PAGE2B: variants seen among roughly 807,000 people sequenced by gnomAD.
The protein encoded by PAGE2B is PAGE family member 2B, also known as putative G antigen family E member 3.
In PAGE2B, 5 loss-of-function variants were observed where a neutral mutation model predicts 7.6. That is an observed-to-expected ratio of 0.66 (90% CI 0.34 to 1.38). The LOEUF (loss-of-function observed/expected upper bound fraction) is 1.38, where lower values mean the gene tolerates loss of function less well. Ranked by LOEUF, PAGE2B falls within the 40% of genes most tolerant of loss-of-function variation. The pLI, the probability that PAGE2B is intolerant of heterozygous loss-of-function variation, is 0.04. For synonymous variants in PAGE2B, 29 were observed against 26.7 expected, an observed-to-expected ratio of 1.09 and a Z score of -0.27; for missense variants, 70 against 78.4, an observed-to-expected ratio of 0.89 and a Z score of 0.41.
chrX:55,070,210 G>A (rs770357811), upstream of PAGE2B, among the ~76,000 whole-genome samples: 1 of 111,706 alleles, frequency 9.0e-6, no homozygotes, highest in African/African-American at 3.3e-5. Context: ...TGCTTTAAAT[G>A]TGTCCCAGTA....
chrX:55,036,540 C>A, the PAGE2B span, among the ~76,000 whole-genome samples: 1 of 111,276 alleles, frequency 9.0e-6, no homozygotes, highest in Non-Finnish European at 1.9e-5. Flanking sequence ...AAGGCCTTTT[C>A]TGCATCTATT....
At chrX:55,051,581 T>G in the PAGE2B span, among the ~76,000 whole-genome samples, 1 of 112,221 alleles carries the variant, frequency 8.9e-6, no homozygotes, top group East Asian at 2.8e-4. Flanking sequence ...ACTGATACCC[T>G]TTCTTCCAGG....
At chrX:55,069,916 A>G in the PAGE2B span, among the ~76,000 whole-genome samples, 3 of 110,928 alleles carry the variant, frequency 2.7e-5, no homozygotes, top group South Asian at 7.6e-4. Context: ...TATTGCATCT[A>G]TTTGATTCTT....
At chrX:55,074,108 C>T (rs1404645212), upstream of PAGE2B, among the ~76,000 whole-genome samples, 48 of 111,903 alleles carry the variant, frequency 4.3e-4, no homozygotes, top group African/African-American at 1.6e-3. Flanking sequence ...GCAAATAACA[C>T]AGTCATTGTG....
At chrX:55,061,321 C>T in the PAGE2B span, among the ~76,000 whole-genome samples, 410 of 110,802 alleles carry the variant, frequency 3.7e-3, 7 homozygotes, top group East Asian at 0.098. Context: ...TAGGGGTTGG[C>T]GTACAGATAA....
At chrX:55,074,029 C>T (rs1293142807), upstream of PAGE2B, among the ~76,000 whole-genome samples, 3 of 110,942 alleles carry the variant, frequency 2.7e-5, no homozygotes, top group Non-Finnish European at 5.7e-5. Flanking sequence ...AAACACGTGT[C>T]AGCAATGGAA....
chrX:55,071,581 T>C (rs1160650996), upstream of PAGE2B, among the ~76,000 whole-genome samples: 1 of 111,685 alleles, frequency 9.0e-6, no homozygotes, highest in African/African-American at 3.3e-5. Flanking sequence ...ATTTCCTGAA[T>C]TTGAATGTTG....
the PAGE2B span, among the ~76,000 whole-genome samples, chrX:55,034,357 A>C: frequency 1.4e-4 from 16 of 112,047 alleles, no homozygotes; most frequent in Non-Finnish European, 2.8e-4. Context: ...TGGTGATGGT[A>C]GCTGGGTTGT....
chrX:55,058,586 G>T, the PAGE2B span, among the ~76,000 whole-genome samples: 4 of 111,554 alleles, frequency 3.6e-5, no homozygotes, highest in South Asian at 3.7e-4. Context: ...GTCACTTTTA[G>T]TTGCCATAGC....
At chrX:55,072,401 T>G (rs1307218757), upstream of PAGE2B, among the ~76,000 whole-genome samples, 1 of 112,682 alleles carries the variant, frequency 8.9e-6, no homozygotes, top group Non-Finnish European at 1.9e-5. Context: ...ACAGCAAAGA[T>G]TGCTTCCTGC....
At chrX:55,030,704 G>C in the PAGE2B span, among the ~76,000 whole-genome samples, 1 of 110,968 alleles carries the variant, frequency 9.0e-6, no homozygotes, top group Non-Finnish European at 1.9e-5. Flanking sequence ...GAAATGAAAT[G>C]AATGATCTTG....
At chrX:55,028,842 G>T in the PAGE2B span, among the ~76,000 whole-genome samples, 2 of 111,340 alleles carry the variant, frequency 1.8e-5, no homozygotes, top group East Asian at 5.6e-4. Context: ...TCAATTTAGG[G>T]TATAAAGAGT....
At chrX:55,071,497 C>G (rs749887898), upstream of PAGE2B, among the ~76,000 whole-genome samples, 6 of 111,596 alleles carry the variant, frequency 5.4e-5, no homozygotes, top group Non-Finnish European at 1.1e-4. Flanking sequence ...TCCTGCATTT[C>G]AACCTTGGTG....
At chrX:55,067,471 A>C in the PAGE2B span, among the ~76,000 whole-genome samples, 1 of 111,805 alleles carries the variant, frequency 8.9e-6, no homozygotes, top group South Asian at 3.8e-4. Context: ...AATTTGGGCT[A>C]GTTCCAAGTC....
chrX:55,036,455 A>G, the PAGE2B span, among the ~76,000 whole-genome samples: 1 of 111,076 alleles, frequency 9.0e-6, no homozygotes, highest in Admixed American at 9.6e-5. Context: ...GATAGCTCTT[A>G]TTATTTTGAG....
At chrX:55,060,806 G>A in the PAGE2B span, among the ~76,000 whole-genome samples, 1 of 109,786 alleles carries the variant, frequency 9.1e-6, no homozygotes, top group African/African-American at 3.3e-5. Flanking sequence ...TTTTTTGTGT[G>A]TATTTTTTTT....
At chrX:55,055,898 T>C in the PAGE2B span, 1 of 27,257 alleles carries the variant, frequency 3.7e-5, no homozygotes, top group Non-Finnish European at 7.3e-5. Flanking sequence ...AATGCAGTCA[T>C]GGAAGCCAAA....
chrX:55,051,663 G>A, the PAGE2B span, among the ~76,000 whole-genome samples: 1 of 111,897 alleles, frequency 8.9e-6, no homozygotes, highest in African/African-American at 3.3e-5. Context: ...GCTCCATCAG[G>A]TCTTTTAAGG....
At chrX:55,059,370 G>T in the PAGE2B span, among the ~76,000 whole-genome samples, 1 of 111,539 alleles carries the variant, frequency 9.0e-6, no homozygotes, top group African/African-American at 3.3e-5. Context: ...GCCACCTAAA[G>T]GTTTCGTTTT....
Sources: gnomAD v4.1 joint callset for allele counts (sites outside exome capture counted in the v4.1 genomes callset) on GRCh38, gnomAD v4.1.1 for gene constraint, MANE v1.5 for transcripts, NCBI Gene and HGNC (gene_info 2026-07-23, HGNC 2026-07-21) for gene names.